MAML3: variants seen among roughly 807,000 people sequenced by gnomAD.
MAML3 encodes mastermind like transcriptional coactivator 3.
MAML3 carries 27 observed loss-of-function variants against 101.9 expected under a neutral mutation model. That is an observed-to-expected ratio of 0.27 (90% CI 0.20 to 0.37). The LOEUF is 0.37. MAML3 is among the 10% of genes least tolerant of loss of function. The pLI is 1.00. For synonymous variants in MAML3, 501 were observed against 555.9 expected (o/e 0.90, Z 1.39); for missense variants, 1,316 against 1,444.9 (o/e 0.91, Z 1.45).
intron 1 of MAML3, among the ~76,000 whole-genome samples, chr4:139,918,124 C>T (rs763226139): frequency 7.9e-5 from 12 of 152,152 alleles, no homozygotes; most frequent in African/African-American, 2.7e-4. Context: ...TGGACTCTTG[C>T]GCTATTGTTC....
chr4:139,948,973 T>A (rs188006886), intron 1 of MAML3, among the ~76,000 whole-genome samples: 1 of 152,278 alleles, frequency 6.6e-6, no homozygotes, highest in East Asian at 1.9e-4. Context: ...CTACGCCTTA[T>A]TGACATGCTT....
chr4:139,988,626 T>C (rs978136447), intron 1 of MAML3, among the ~76,000 whole-genome samples: 4 of 152,180 alleles, frequency 2.6e-5, no homozygotes, highest in Non-Finnish European at 5.9e-5. Context: ...CGTAAACTTA[T>C]ATACAACAGG....
intron 2 of MAML3, among the ~76,000 whole-genome samples, chr4:139,792,045 G>A (rs1248561143): frequency 1.3e-5 from 2 of 152,196 alleles, no homozygotes; most frequent in Non-Finnish European, 2.9e-5. Context: ...AAATATTAAT[G>A]CAGACAGCGC....
chr4:140,002,960 G>A (rs2110847013), intron 1 of MAML3, among the ~76,000 whole-genome samples: 1 of 152,336 alleles, frequency 6.6e-6, no homozygotes, highest in Middle Eastern at 3.4e-3. Context: ...ACGGTGGCAG[G>A]AAAGTAATGG....
At chr4:140,059,280 A>T (rs1727404172) in intron 1 of MAML3, among the ~76,000 whole-genome samples, 1 of 152,222 alleles carries the variant, frequency 6.6e-6, no homozygotes, top group Non-Finnish European at 1.5e-5. Context: ...GGAGCATACC[A>T]GGTAAAATCA....
At chr4:140,124,568 A>G (rs752634478) in intron 1 of MAML3, among the ~76,000 whole-genome samples, 11 of 152,208 alleles carry the variant, frequency 7.2e-5, no homozygotes, top group Non-Finnish European at 1.3e-4. Context: ...CAAAAGCACA[A>G]TAAAATCTAG....
intron 2 of MAML3, among the ~76,000 whole-genome samples, chr4:139,863,297 T>C (rs1214267495): frequency 6.6e-6 from 1 of 151,992 alleles, no homozygotes; most frequent in Non-Finnish European, 1.5e-5. Flanking sequence ...ATTTGTTTGT[T>C]GTGAGATTTC....
At chr4:139,825,784 C>T (rs1281957103) in intron 2 of MAML3, among the ~76,000 whole-genome samples, 1 of 150,978 alleles carries the variant, frequency 6.6e-6, no homozygotes, top group Non-Finnish European at 1.5e-5. Context: ...AAAAAAGTTG[C>T]ACGTTCTTTT....
At chr4:140,024,563 G>C (rs1726789443) in intron 1 of MAML3, among the ~76,000 whole-genome samples, 1 of 152,098 alleles carries the variant, frequency 6.6e-6, no homozygotes, top group South Asian at 2.1e-4. Flanking sequence ...ACTGAGCCCG[G>C]CCCAGAGTCA....
rs535979818 is a variant in MAML3 at position 139,764,690 on chromosome 4, G to C, written c.2080-34023C>G. On this transcript the variant is annotated intron_variant, in intron 2 of 4. Coordinates refer to ENST00000509479, the MANE Select transcript of MAML3 (RefSeq NM_018717.5). ...TTATTGGGCATTCTACTGGAAACGC[G>C]GGGAAAGAACAGCAACATCTCCCGG... Among the ~76,000 whole-genome samples, 4 of 152,316 alleles carry C rather than the reference G, an allele frequency of 2.6e-5. No individual in the cohort carries two copies. The East Asian group carries it at 7.7e-4, about 29-fold the overall frequency.
intron 1 of MAML3, among the ~76,000 whole-genome samples, chr4:139,932,664 A>G (rs537895412): frequency 1.3e-5 from 2 of 152,314 alleles, no homozygotes; most frequent in South Asian, 4.1e-4. Flanking sequence ...AAATCACCAC[A>G]CATTTCAAAT....
At chr4:139,805,854 G>A (rs1048680411) in intron 2 of MAML3, among the ~76,000 whole-genome samples, 3 of 151,924 alleles carry the variant, frequency 2.0e-5, no homozygotes, top group East Asian at 1.9e-4. Context: ...CTATGCGAGC[G>A]GTGGAAAAAC....
intron 1 of MAML3, among the ~76,000 whole-genome samples, chr4:140,038,760 C>T (rs977948953): frequency 2.1e-4 from 32 of 152,130 alleles, no homozygotes; most frequent in African/African-American, 6.5e-4. Flanking sequence ...CTTGCAAGCT[C>T]GGCTATTATT....
intron 1 of MAML3, among the ~76,000 whole-genome samples, chr4:140,116,906 G>A (rs1396756032): frequency 6.6e-6 from 1 of 152,114 alleles, no homozygotes; most frequent in Non-Finnish European, 1.5e-5. Context: ...ACAGAGTATA[G>A]CTATGGAGAT....
In MAML3 at chr4:139,925,975, C is replaced by T. The variant is rs142488024; in HGVS notation, c.469-35008G>A. 1.3e-3 allele frequency among the ~76,000 whole-genome samples: 198 copies of T among 152,120 alleles called. 1 individual carries two copies. The highest frequency in any genetic ancestry group is 4.3e-3 in the African/African-American group (179 of 41,500). On this transcript the variant is annotated intron_variant, in intron 1 of 4. Coordinates refer to ENST00000509479, the MANE Select transcript of MAML3 (RefSeq NM_018717.5). ...TGCCAGATGCAAGGAGGGCAGCCCA[C>T]GGTCCTGCTCAAAGAACTTTTTAGG...
intron 1 of MAML3, among the ~76,000 whole-genome samples, chr4:140,001,764 C>T (rs1291183034): frequency 6.6e-6 from 1 of 152,116 alleles, no homozygotes; most frequent in Non-Finnish European, 1.5e-5. Context: ...CAAAAGTTTA[C>T]CTCTATTTAA....
chr4:139,982,615 T>G lies in MAML3; in HGVS notation c.469-91648A>C, dbSNP rs190291685. On this transcript the variant is annotated intron_variant, in intron 1 of 4. Coordinates refer to ENST00000509479, the MANE Select transcript of MAML3 (RefSeq NM_018717.5). ...ACCATATAGATACTTTAGCATATGATAGTTTATACCATATGATACTTTATA... is the reference window on the plus strand; with the variant it reads ...ACCATATAGATACTTTAGCATATGAGAGTTTATACCATATGATACTTTATA... 6.8e-4 allele frequency among the ~76,000 whole-genome samples: 104 copies of G among 152,340 alleles called. 1 individual carries two copies. The East Asian group carries it at 0.012, about 17-fold the overall frequency.
chr4:139,765,326 TAAG>T (rs1729836607), intron 2 of MAML3, among the ~76,000 whole-genome samples: 1 of 152,260 alleles, frequency 6.6e-6, no homozygotes, highest in Non-Finnish European at 1.5e-5. Context: ...ATGGTAGAAT[TAAG>T]AATGCTTTCC....
chr4:140,122,723 C>T (rs930746819), intron 1 of MAML3, among the ~76,000 whole-genome samples: 10 of 138,698 alleles, frequency 7.2e-5, no homozygotes, highest in South Asian at 2.4e-4. Context: ...ACCCGGGAGG[C>T]GGAGCTTGCA....
Sources: allele counts gnomAD v4.1 joint callset (sites outside exome capture counted in the v4.1 genomes callset), GRCh38; gene constraint gnomAD v4.1.1; transcripts MANE v1.5; gene names NCBI Gene and HGNC (gene_info 2026-07-23, HGNC 2026-07-21).